PATJ: variants seen among roughly 807,000 people sequenced by gnomAD.
PATJ encodes inaD-like protein.
PATJ carries 190 observed loss-of-function variants against 224.9 expected under a neutral mutation model. The observed-to-expected ratio is 0.84, with a 90% confidence interval of 0.75 to 0.95. The LOEUF (loss-of-function observed/expected upper bound fraction) is 0.95, where lower values mean the gene tolerates loss of function less well. Ranked by LOEUF, PATJ falls within the 40% of genes least tolerant of loss-of-function variation. The pLI is 0.00. For missense variants in PATJ, 2,121 were observed against 2,270.3 expected (o/e 0.93, Z 1.34); for synonymous variants, 769 against 820.3 (o/e 0.94, Z 1.07).
chr1:61,778,998 G>A (rs561789186), intron 7 of PATJ, among the ~76,000 whole-genome samples: 41 of 151,978 alleles, frequency 2.7e-4, no homozygotes, highest in Admixed American at 4.6e-4. Flanking sequence ...CAAGCCTGGC[G>A]AATATTTTTT....
At chr1:61,971,398 C>T (rs149878501) in intron 27 of PATJ, among the ~76,000 whole-genome samples, 173 of 152,254 alleles carry the variant, frequency 1.1e-3, no homozygotes, top group South Asian at 2.3e-3. Context: ...ATCTGTAGTC[C>T]CAGCACTTTG....
rs144741884 is a variant in PATJ, at chr1:62,104,765, G to A, written c.4378-3672G>A. Among the ~76,000 whole-genome samples the A allele has an allele frequency of 7.6e-3, 1,152 of 152,106 alleles. 14 individuals carry two copies. The highest frequency in any genetic ancestry group is 0.026 in the African/African-American group (1,092 of 41,458). On this transcript the variant is annotated intron_variant, in intron 33 of 43. Coordinates refer to ENST00000642238, the MANE Select transcript of PATJ (RefSeq NM_001350145.3). Reference sequence around the variant, plus strand: ...CAGCTCACTGCAGCCTCTGCCTCCCGGGTTCAAGTGATTCTCCTGTCTCAG... The same window carrying A: ...CAGCTCACTGCAGCCTCTGCCTCCCAGGTTCAAGTGATTCTCCTGTCTCAG...
At chr1:61,805,227 C>T (rs1653290555) in intron 12 of PATJ, among the ~76,000 whole-genome samples, 1 of 152,198 alleles carries the variant, frequency 6.6e-6, no homozygotes, top group Non-Finnish European at 1.5e-5. Flanking sequence ...AAAGCACCTT[C>T]ATAATTTGGT....
intron 31 of PATJ, among the ~76,000 whole-genome samples, chr1:62,066,740 A>G (rs1429110058): frequency 6.6e-6 from 1 of 152,200 alleles, no homozygotes; most frequent in East Asian, 1.9e-4. Flanking sequence ...GCCCATGCAC[A>G]GGAGAACTGG....
chr1:62,139,690 A>G (rs72677974), intron 41 of PATJ, among the ~76,000 whole-genome samples: 5,663 of 152,180 alleles, frequency 0.037, 114 homozygotes, highest in Non-Finnish European at 0.046. Context: ...GTTACTTGCC[A>G]ATCACCTCTT....
intron 26 of PATJ, among the ~76,000 whole-genome samples, chr1:61,924,510 A>G (rs1674823115): frequency 6.6e-6 from 1 of 152,218 alleles, no homozygotes; most frequent in Non-Finnish European, 1.5e-5. Context: ...GGATCCTTAT[A>G]TAAAAATGAT....
At chr1:62,027,297 A>G (rs376102942) in intron 29 of PATJ, among the ~76,000 whole-genome samples, 3 of 152,272 alleles carry the variant, frequency 2.0e-5, no homozygotes, top group Admixed American at 6.5e-5. Flanking sequence ...CATGTGCTAG[A>G]ATTTCTTTTT....
chr1:61,910,799 G>C (rs908164739), intron 25 of PATJ, among the ~76,000 whole-genome samples: 2 of 151,688 alleles, frequency 1.3e-5, no homozygotes, highest in South Asian at 4.2e-4. Context: ...CTCCTGCCTT[G>C]GCCTCCCAAA....
chr1:61,811,198 G>A (rs116447828), intron 14 of PATJ, among the ~76,000 whole-genome samples: 1,983 of 152,222 alleles, frequency 0.013, 20 homozygotes, highest in Middle Eastern at 0.027. Flanking sequence ...GGTATTAACT[G>A]TAATATGCCT....
chr1:62,037,198 C>T (rs1038361206), intron 29 of PATJ, among the ~76,000 whole-genome samples: 1 of 152,072 alleles, frequency 6.6e-6, no homozygotes, highest in East Asian at 1.9e-4. Flanking sequence ...AATCAAACTT[C>T]ACATAAATCT....
intron 29 of PATJ, among the ~76,000 whole-genome samples, chr1:62,026,781 T>C (rs116092962): frequency 0.011 from 1,735 of 152,320 alleles, 31 homozygotes; most frequent in African/African-American, 0.04. Context: ...TTCACTTCTT[T>C]TCTTGCTCAG....
At chr1:61,782,778 G>A (rs148488557) in intron 7 of PATJ, among the ~76,000 whole-genome samples, 2 of 152,242 alleles carry the variant, frequency 1.3e-5, no homozygotes, top group Admixed American at 6.5e-5. Flanking sequence ...TATCAGTTGT[G>A]GCAAGAGTTA....
In PATJ at chr1:61,864,514, C is replaced by G. The variant is rs1323452258; in HGVS notation, c.2716C>G (p.Leu906Val). Residue 906 changes from leucine to valine, a missense_variant, in exon 20 of 44, where the codon CTT becomes GTT. By Grantham distance (32) the Leu-to-Val change is conservative. Coordinates refer to ENST00000642238, the MANE Select transcript of PATJ (RefSeq NM_001350145.3). ...EATPVPSVNELHFGTQWLHDN... is the reference protein window; with the variant it reads ...EATPVPSVNEVHFGTQWLHDN... The stretch of plus-strand genomic sequence containing the variant: ...CACTCCTGTGCCCTCTGTGAATGAA[C>G]TTCACTTTGGTACACAGTGGTTGCA... 1 of 1,614,018 alleles carries G rather than the reference C, an allele frequency of 6.2e-7. No homozygotes were observed. Among genetic ancestry groups the G allele is most frequent in the Non-Finnish European group, 8.5e-7 (1 of 1,179,922 alleles).
Position 62,018,639 on chromosome 1 carries a change from GCTT to G in PATJ, c.3959+696_3959+698del, listed in dbSNP as rs1646910384. Reference sequence around the variant, plus strand: ...AACCCTCTATGTTCACTGTAGCTCTGCTTCTTTTTCCTTCTGGGACTCAGTTAT... The same window carrying G: ...AACCCTCTATGTTCACTGTAGCTCTGCTTTTTCCTTCTGGGACTCAGTTAT... On this transcript the variant is annotated intron_variant, in intron 29 of 43. Transcript: ENST00000642238. This position sits in a 1 kb window ranked among gnomAD's most constrained non-coding sequence, Gnocchi z 4.2. Among the ~76,000 whole-genome samples, 1 of 152,160 alleles carries G rather than the reference GCTT, an allele frequency of 6.6e-6. No homozygotes were observed. The highest frequency in any genetic ancestry group is 6.5e-5 in the Admixed American group (1 of 15,274).
At chr1:62,158,627 AG>A (rs1669508858) in intron 43 of PATJ, among the ~76,000 whole-genome samples, 2 of 142,840 alleles carry the variant, frequency 1.4e-5, no homozygotes. Context: ...AGGCTGAGGC[AG>A]GAGAATGGTG....
chr1:61,814,950 A>G (rs1570670665), intron 14 of PATJ, among the ~76,000 whole-genome samples: 1 of 152,222 alleles, frequency 6.6e-6, no homozygotes, highest in Non-Finnish European at 1.5e-5. Flanking sequence ...ACACTGTGCT[A>G]CCATCTGTGG....
At chr1:62,145,709 A>G (rs1020805304) in intron 41 of PATJ, among the ~76,000 whole-genome samples, 2 of 151,858 alleles carry the variant, frequency 1.3e-5, no homozygotes, top group Non-Finnish European at 2.9e-5. Flanking sequence ...GTAACTCAGC[A>G]CTTTGGGAGG....
intron 4 of PATJ, among the ~76,000 whole-genome samples, chr1:61,767,678 C>CT (rs1163770714): frequency 0.27 from 36,385 of 134,722 alleles, 5,417 homozygotes; most frequent in South Asian, 0.46. Flanking sequence ...CTTTTCTTTT[C>CT]TTTTTTTTTT....
At chr1:61,988,055 T>C (rs562387684) in intron 27 of PATJ, among the ~76,000 whole-genome samples, 4 of 152,074 alleles carry the variant, frequency 2.6e-5, no homozygotes, top group African/African-American at 9.6e-5. Flanking sequence ...AAAAATTAGC[T>C]GGGTATGGTG....
Sources: gnomAD v4.1 joint callset for allele counts (sites outside exome capture counted in the v4.1 genomes callset) on GRCh38, gnomAD v4.1.1 for gene constraint, Gnocchi (gnomAD v3.1) non-coding constraint, MANE v1.5 for transcripts, NCBI Gene and HGNC (gene_info 2026-07-23, HGNC 2026-07-21) for gene names.